Variants in SH3BGRL2 observed in about 807,000 individuals in gnomAD.
The protein encoded by SH3BGRL2 is SH3 domain-binding glutamic acid-rich-like protein 2.
A neutral mutation model predicts 14.8 loss-of-function variants in SH3BGRL2; 21 were observed. The ratio of observed to expected loss-of-function variants is 1.42; its 90% CI spans 1.01 to 2.05. SH3BGRL2 has a LOEUF of 2.05. Among genes scored for constraint, SH3BGRL2 ranks in the 30% most tolerant of loss-of-function variants. SH3BGRL2 has a pLI of 0.00. For synonymous variants in SH3BGRL2, 50 were observed against 47.8 expected (o/e 1.05, Z -0.19); for missense variants, 147 against 130.8 (o/e 1.12, Z -0.61).
chr6:79,625,249 C>T, the SH3BGRL2 span, among the ~76,000 whole-genome samples: 3,090 of 115,420 alleles, frequency 0.027, 90 homozygotes, highest in African/African-American at 0.087. Context: ...TATATATATA[C>T]ACACACACAC....
intron 2 of SH3BGRL2, among the ~76,000 whole-genome samples, chr6:79,693,570 G>A (rs537047344): frequency 9.3e-4 from 141 of 151,806 alleles, no homozygotes; most frequent in African/African-American, 3.2e-3. Flanking sequence ...AGCATGAAGC[G>A]TTGTTGAATT....
At chr6:79,678,853 T>C (rs2127734876) in intron 2 of SH3BGRL2, among the ~76,000 whole-genome samples, 1 of 152,308 alleles carries the variant, frequency 6.6e-6, no homozygotes, top group South Asian at 2.1e-4. Flanking sequence ...CCCATTTATA[T>C]GTGAGAACAT....
intron 1 of SH3BGRL2, among the ~76,000 whole-genome samples, chr6:79,664,255 G>A (rs1034833752): frequency 2.0e-5 from 3 of 152,184 alleles, no homozygotes; most frequent in East Asian, 1.9e-4. Flanking sequence ...CATCGATCAC[G>A]CTGGGATCTG....
the SH3BGRL2 span, among the ~76,000 whole-genome samples, chr6:79,583,580 A>G: frequency 6.6e-6 from 1 of 152,188 alleles, no homozygotes; most frequent in Non-Finnish European, 1.5e-5. Context: ...GAATTGAAGA[A>G]TGAGATCACT....
the SH3BGRL2 span, among the ~76,000 whole-genome samples, chr6:79,601,149 G>A: frequency 6.6e-6 from 1 of 152,182 alleles, no homozygotes; most frequent in Admixed American, 6.5e-5. Flanking sequence ...TTTCTTCCTT[G>A]TAAAAAGGCA....
chr6:79,547,899 C>T, the SH3BGRL2 span, among the ~76,000 whole-genome samples: 1 of 151,974 alleles, frequency 6.6e-6, no homozygotes, highest in Admixed American at 6.6e-5. Flanking sequence ...AGAGTCTCAC[C>T]CTGTTGCCCA....
chr6:79,650,829 C>T (rs1408932954), intron 1 of SH3BGRL2, among the ~76,000 whole-genome samples: 2 of 151,564 alleles, frequency 1.3e-5, no homozygotes, highest in Non-Finnish European at 2.9e-5. Flanking sequence ...CAGACTTTCC[C>T]TTAAGTATAT....
At chr6:79,543,990 A>G in the SH3BGRL2 span, among the ~76,000 whole-genome samples, 1 of 152,174 alleles carries the variant, frequency 6.6e-6, no homozygotes, top group African/African-American at 2.4e-5. Context: ...TAGAACCCTA[A>G]CAACTCAGCA....
chr6:79,610,395 A>G, the SH3BGRL2 span, among the ~76,000 whole-genome samples: 1 of 152,202 alleles, frequency 6.6e-6, no homozygotes, highest in Non-Finnish European at 1.5e-5. Context: ...CGGCTTGGAA[A>G]GGTAGAGAGG....
chr6:79,581,579 A>G, the SH3BGRL2 span, among the ~76,000 whole-genome samples: 10 of 152,236 alleles, frequency 6.6e-5, no homozygotes, highest in Non-Finnish European at 1.5e-5. Context: ...GCCTTTGACA[A>G]AATTCAACAG....
In SH3BGRL2 at chr6:79,700,453, A is replaced by C. The variant is rs1251660399; in HGVS notation, c.*944A>C. On this transcript the variant is annotated 3_prime_UTR_variant, in exon 4 of 4. Coordinates refer to ENST00000369838, the MANE Select transcript of SH3BGRL2 (RefSeq NM_031469.4). ...TGAGAAAGGAAAATCTCAGTTAGAT[A>C]TATTTTGTGAACCCTTGATTAGACA... The C allele has an allele frequency of 6.6e-6, 1 of 152,192 alleles. No individual in the cohort carries two copies. Among genetic ancestry groups the C allele is most frequent in the African/African-American group, 2.4e-5 (1 of 41,460 alleles). The allele number at this position is 152,192 out of a possible 1,614,324, so 9.4% of individuals were successfully genotyped here. A position where few individuals can be genotyped will look rare whatever the true frequency, so the allele number is the denominator to read the frequency against.
At chr6:79,633,159 A>G (rs1371552645) in intron 1 of SH3BGRL2, among the ~76,000 whole-genome samples, 1 of 152,072 alleles carries the variant, frequency 6.6e-6, no homozygotes, top group African/African-American at 2.4e-5. Context: ...TTTTAAATTT[A>G]ATGTTTTGTG....
At position 79,699,686 on chromosome 6, in the gene SH3BGRL2, T is replaced by A; in HGVS notation, c.*177T>A. The A allele has an allele frequency of 1.1e-6, 1 of 872,048 alleles. No individual in the cohort carries two copies. The highest frequency in any genetic ancestry group is 1.6e-6 in the Non-Finnish European group (1 of 623,042). The allele number at this position is 872,048 out of a possible 1,614,324, so 54.0% of individuals were successfully genotyped here. The stretch of plus-strand genomic sequence containing the variant: ...TATAATGAGAATTGCATGATTGCTT[T>A]AAACCAAATCAGGTGGTGGATTTTT... On this transcript the variant is annotated 3_prime_UTR_variant, in exon 4 of 4. Coordinates refer to ENST00000369838, the MANE Select transcript of SH3BGRL2 (RefSeq NM_031469.4).
the SH3BGRL2 span, among the ~76,000 whole-genome samples, chr6:79,571,188 C>T: frequency 1.3e-5 from 2 of 152,222 alleles, no homozygotes; most frequent in Non-Finnish European, 2.9e-5. Context: ...GGAGTTTCTA[C>T]AAGGCAGTGT....
chr6:79,585,370 A>G, the SH3BGRL2 span, among the ~76,000 whole-genome samples: 104 of 152,234 alleles, frequency 6.8e-4, no homozygotes, highest in Non-Finnish European at 1.4e-3. Flanking sequence ...ACTCTTGGAA[A>G]GTCAGAAAAA....
chr6:79,682,940 T>C (rs1770015832), intron 2 of SH3BGRL2, among the ~76,000 whole-genome samples: 1 of 152,136 alleles, frequency 6.6e-6, no homozygotes. Flanking sequence ...CTCAGCAAAC[T>C]ATCACAAGGA....
At chr6:79,670,617 T>C (rs1263446516) in intron 1 of SH3BGRL2, among the ~76,000 whole-genome samples, 1 of 152,226 alleles carries the variant, frequency 6.6e-6, no homozygotes. Flanking sequence ...GAATTGCATT[T>C]GGGTGCAAGC....
intron 3 of SH3BGRL2, 35 bp from the exon 4 acceptor site, chr6:79,699,463 C>CTT (rs35728679): frequency 0.011 from 9,481 of 877,056 alleles, 47 homozygotes; most frequent in Non-Finnish European, 0.012. Context: ...CAATAACTGA[C>CTT]TTTTTTTTTT....
At position 79,702,389 on chromosome 6, in the gene SH3BGRL2, A is replaced by G. The variant is rs923487535; in HGVS notation, c.*2880A>G. The G allele has an allele frequency of 1.3e-5, 2 of 152,618 alleles. No homozygotes were observed. Among genetic ancestry groups the G allele is most frequent in the Admixed American group, 6.5e-5 (1 of 15,276 alleles). The allele number at this position is 152,618 out of a possible 1,614,324, so 9.5% of individuals were successfully genotyped here. A position where few individuals can be genotyped will look rare whatever the true frequency, so the allele number is the denominator to read the frequency against. On this transcript the variant is annotated 3_prime_UTR_variant, in exon 4 of 4. Coordinates refer to ENST00000369838, the MANE Select transcript of SH3BGRL2 (RefSeq NM_031469.4). ...CAGCTTTTGTTAAGTGTCAGGCTGC[A>G]CTTTGCTCCATATAATTATTGTTTT... is the stretch of plus-strand genomic sequence containing the variant.
Sources: allele counts gnomAD v4.1 joint callset (sites outside exome capture counted in the v4.1 genomes callset), GRCh38; gene constraint gnomAD v4.1.1; transcripts MANE v1.5; gene names NCBI Gene and HGNC (gene_info 2026-07-23, HGNC 2026-07-21).